SBF2: variants seen among roughly 807,000 people sequenced by gnomAD.
SBF2 encodes the protein myotubularin-related protein 13.
Under a neutral mutation model 225.2 loss-of-function variants are expected in SBF2, and 112 were observed. That is an observed-to-expected ratio of 0.50 (90% confidence interval 0.43 to 0.58). The LOEUF is 0.58. SBF2 is among the 20% of genes least tolerant of loss of function. SBF2 has a pLI of 0.00. For synonymous variants in SBF2, 763 were observed against 773.3 expected, an observed-to-expected ratio of 0.99 and a Z score of 0.22; for missense variants, 1,996 against 2,206.2, an observed-to-expected ratio of 0.90 and a Z score of 1.91.
intron 16 of SBF2, among the ~76,000 whole-genome samples, chr11:9,946,498 T>G (rs1865572737): frequency 6.6e-6 from 1 of 151,438 alleles, no homozygotes; most frequent in South Asian, 2.1e-4. Context: ...TCGCCCAGGC[T>G]GGAGTGCAGT....
In SBF2 at chr11:9,963,886, G is replaced by A; in HGVS notation, c.1601-4C>T. The stretch of plus-strand genomic sequence containing the variant: ...GTCACCTTGTCCATTATCGAAACTA[G>A]TAAAAGAATATAAAGAAAGCACAAA... On this transcript the variant is annotated splice_polypyrimidine_tract_variant and splice_region_variant and intron_variant, in intron 14 of 39. Transcript: ENST00000256190. The A allele has an allele frequency of 6.7e-7, 1 of 1,492,378 alleles. No homozygotes were observed. The highest frequency in any genetic ancestry group is 9.3e-7 in the Non-Finnish European group (1 of 1,070,910). 92.4% of individuals were successfully genotyped at this position (1,492,378 alleles called of 1,614,324 possible). A position where few individuals can be genotyped will look rare whatever the true frequency, so the allele number is the denominator to read the frequency against.
intron 1 of SBF2, among the ~76,000 whole-genome samples, chr11:10,199,872 T>C (rs528601216): frequency 9.3e-4 from 141 of 152,230 alleles, no homozygotes; most frequent in African/African-American, 3.2e-3. Context: ...ATGGAAAATA[T>C]GGAATATGGA....
At chr11:10,210,970 G>A (rs540309772) in intron 1 of SBF2, among the ~76,000 whole-genome samples, 14 of 119,386 alleles carry the variant, frequency 1.2e-4, no homozygotes, top group Admixed American at 5.9e-4. Context: ...CTGAAATTGC[G>A]CCACTGCACT....
At chr11:10,274,460 A>G (rs908643975) in intron 1 of SBF2, among the ~76,000 whole-genome samples, 1 of 152,162 alleles carries the variant, frequency 6.6e-6, no homozygotes, top group African/African-American at 2.4e-5. Context: ...TAAGAGAATT[A>G]TAAAGTTTCA....
At chr11:10,065,847 C>CTGAG (rs1196233935) in intron 2 of SBF2, among the ~76,000 whole-genome samples, 1 of 152,046 alleles carries the variant, frequency 6.6e-6, no homozygotes, top group Non-Finnish European at 1.5e-5. Context: ...ACTCAGGAGG[C>CTGAG]TGAGGCAGGA....
intron 2 of SBF2, among the ~76,000 whole-genome samples, chr11:10,102,179 T>C (rs1211026115): frequency 6.6e-6 from 1 of 152,194 alleles, no homozygotes; most frequent in Non-Finnish European, 1.5e-5. Context: ...ATAAACTGCT[T>C]CTTTGACTTT....
At chr11:10,266,565 T>A (rs892911686) in intron 1 of SBF2, among the ~76,000 whole-genome samples, 4 of 151,622 alleles carry the variant, frequency 2.6e-5, no homozygotes, top group Non-Finnish European at 5.9e-5. Flanking sequence ...ACATTCCTTT[T>A]AAAAAAAAAT....
intron 1 of SBF2, among the ~76,000 whole-genome samples, chr11:10,292,678 CAAAAAAA>C (rs5789633): frequency 3.5e-5 from 3 of 85,828 alleles, no homozygotes; most frequent in Non-Finnish European, 4.6e-5. Context: ...AACTCCGTCT[CAAAAAAA>C]AAAAAAAAAA....
At chr11:10,111,382 G>A (rs908725578) in intron 2 of SBF2, among the ~76,000 whole-genome samples, 1 of 152,094 alleles carries the variant, frequency 6.6e-6, no homozygotes, top group African/African-American at 2.4e-5. Flanking sequence ...ATATGTTTTA[G>A]GCTTCAGTAA....
intron 28 of SBF2, among the ~76,000 whole-genome samples, chr11:9,824,660 A>G (rs955025002): frequency 3.9e-5 from 6 of 152,198 alleles, no homozygotes; most frequent in Non-Finnish European, 8.8e-5. Context: ...GCTACAATTT[A>G]TATTATAGGC....
intron 2 of SBF2, chr11:10,164,841 T>C (rs1448238850): frequency 6.6e-6 from 1 of 152,232 alleles, no homozygotes; most frequent in African/African-American, 2.4e-5. Flanking sequence ...GATCTCAATA[T>C]CTCAACACAC....
At chr11:10,169,157 A>G (rs1248199837) in intron 2 of SBF2, among the ~76,000 whole-genome samples, 1 of 152,204 alleles carries the variant, frequency 6.6e-6, no homozygotes, top group Non-Finnish European at 1.5e-5. Context: ...CATCACCTCA[A>G]GCATTTATCC....
At chr11:10,272,329 G>A (rs1591345294) in intron 1 of SBF2, 1 of 749,768 alleles carries the variant, frequency 1.3e-6, no homozygotes, top group Admixed American at 2.8e-5. Flanking sequence ...GTCGTTCACT[G>A]TAACTAAGGC....
At chr11:10,079,616 C>A (rs1014811941) in intron 2 of SBF2, among the ~76,000 whole-genome samples, 1 of 152,088 alleles carries the variant, frequency 6.6e-6, no homozygotes, top group Non-Finnish European at 1.5e-5. Flanking sequence ...CAAGACTGAA[C>A]CTACAAATCA....
intron 1 of SBF2, among the ~76,000 whole-genome samples, chr11:10,273,977 G>A (rs748962146): frequency 1.3e-5 from 2 of 152,180 alleles, no homozygotes; most frequent in African/African-American, 2.4e-5. Context: ...GACTGAAAAG[G>A]AGGAAACTAT....
intron 1 of SBF2, among the ~76,000 whole-genome samples, chr11:10,268,146 T>A (rs759329080): frequency 3.7e-4 from 57 of 152,256 alleles, no homozygotes; most frequent in Non-Finnish European, 2.4e-4. Context: ...TGTCCAAGTT[T>A]GTTCTGACAC....
At chr11:9,958,368 T>C (rs1462720821) in intron 16 of SBF2, 1 of 150,108 alleles carries the variant, frequency 6.7e-6, no homozygotes, top group Non-Finnish European at 1.5e-5. Context: ...TTTTTTTTTT[T>C]TTTTTTTTTG....
intron 2 of SBF2, among the ~76,000 whole-genome samples, chr11:10,164,606 T>C (rs10160692): frequency 0.096 from 14,643 of 152,238 alleles, 965 homozygotes; most frequent in East Asian, 0.28. Flanking sequence ...ATATAACTGT[T>C]ACGGGAGCAC....
At chr11:10,025,154 T>C (rs1949003767) in intron 6 of SBF2, among the ~76,000 whole-genome samples, 1 of 152,200 alleles carries the variant, frequency 6.6e-6, no homozygotes, top group Admixed American at 6.5e-5. Flanking sequence ...TAAAAATTCA[T>C]AGACAAATTG....
Sources: allele counts gnomAD v4.1 joint callset (sites outside exome capture counted in the v4.1 genomes callset), GRCh38; gene constraint gnomAD v4.1.1; transcripts MANE v1.5; gene names NCBI Gene and HGNC (gene_info 2026-07-23, HGNC 2026-07-21).